Variants in GPRIN3 observed in about 807,000 individuals in gnomAD.
GPRIN3 encodes the protein GPRIN family member 3.
GPRIN3 carries 12 observed loss-of-function variants against 13.7 expected under a neutral mutation model. That is an observed-to-expected ratio of 0.87 (90% CI 0.56 to 1.42). The LOEUF is 1.42. Among genes scored for constraint, GPRIN3 ranks in the 40% most tolerant of loss-of-function variants. The pLI, the probability that GPRIN3 is intolerant of heterozygous loss-of-function variation, is 0.00. For synonymous variants in GPRIN3, 377 were observed against 372.7 expected (o/e 1.01, Z -0.13); for missense variants, 1,009 against 958.7 (o/e 1.05, Z -0.69).
intron 1 of GPRIN3, among the ~76,000 whole-genome samples, chr4:89,286,339 A>G (rs1237960729): frequency 1.3e-5 from 2 of 152,108 alleles, no homozygotes; most frequent in Non-Finnish European, 2.9e-5. Flanking sequence ...CATTACAACT[A>G]TGGTATAATG....
At position 89,248,306 on chromosome 4, in the gene GPRIN3, G is replaced by GCTGTCTTGGT. The variant is rs1301577453; in HGVS notation, c.1795_1804dup (p.Ala602AspfsTer12). On this transcript the variant is annotated frameshift_variant, in exon 2 of 2. Transcript: ENST00000609438. LOFTEE classifies it high-confidence loss of function. ...ATCAGATGGCAGGCTCAGGCTGGTG[G>GCTGTCTTGGT]CTGTCTTGGTCTGTCTGTTTTCTTC... 2 of 1,614,030 alleles carry GCTGTCTTGGT rather than the reference G, an allele frequency of 1.2e-6. No individual in the cohort carries two copies. Among genetic ancestry groups the GCTGTCTTGGT allele is most frequent in the Non-Finnish European group, 1.7e-6 (2 of 1,180,026 alleles).
At chr4:89,289,864 A>C (rs953524944) in intron 1 of GPRIN3, among the ~76,000 whole-genome samples, 7 of 152,124 alleles carry the variant, frequency 4.6e-5, no homozygotes. Context: ...TGAGCTCAAA[A>C]GTCTGTCAGT....
rs1455998843 is a variant in GPRIN3 at position 89,250,072 on chromosome 4, A to C, written c.39T>G (p.Thr13=). ...TVPDPLRSAK[T]SLIAASGKED... is the part of the protein sequence containing the mutation. ...CTTTTCCGGAAGCTGCAATCAGGGA[A>C]GTTTTAGCTGATCTCAGAGGGTCAG... Residue 13 remains threonine, a synonymous_variant, in exon 2 of 2, where the codon ACT becomes ACG. Coordinates refer to ENST00000609438, the MANE Select transcript of GPRIN3 (RefSeq NM_198281.3). The C allele has an allele frequency of 6.2e-7, 1 of 1,613,904 alleles. No individual in the cohort carries two copies. Among genetic ancestry groups the C allele is most frequent in the Non-Finnish European group, 8.5e-7 (1 of 1,179,800 alleles).
Position 89,249,035 on chromosome 4 carries a change from C to T in GPRIN3, c.1076G>A (p.Arg359His), listed in dbSNP as rs777554551. The T allele has an allele frequency of 1.4e-5, 23 of 1,614,024 alleles. No homozygotes were observed. Among genetic ancestry groups the T allele is most frequent in the East Asian group, 6.7e-5 (3 of 44,886 alleles). The change falls in exon 2 of 2, where the codon CGT becomes CAT. Residue 359 changes from arginine to histidine, a missense_variant. Physicochemically the swap from Arg to His is conservative, Grantham distance 29. Coordinates refer to ENST00000609438, the MANE Select transcript of GPRIN3 (RefSeq NM_198281.3). ...APEHFEQEQL[R>H]VICHSSGSHT... ...GCTCCCACTGCTGTGGCAAATGACA[C>T]GCAGCTGCTCTTGTTCAAAATGCTC...
At chr4:89,250,317 C>A in intron 1 of GPRIN3, 84 bp from the exon 2 acceptor site, 1 of 1,013,366 alleles carries the variant, frequency 9.9e-7, no homozygotes. Flanking sequence ...TTTATAAGAG[C>A]ACATTAAAAA....
chr4:89,271,542 T>A (rs928325097), intron 1 of GPRIN3, among the ~76,000 whole-genome samples: 10 of 152,068 alleles, frequency 6.6e-5, no homozygotes, highest in Middle Eastern at 3.4e-3. Flanking sequence ...AAATGCTATG[T>A]AAAGAGTTGT....
chr4:89,250,680 C>T (rs985263702), intron 1 of GPRIN3: 1 of 151,996 alleles, frequency 6.6e-6, no homozygotes, highest in African/African-American at 2.4e-5. Context: ...TAAATGGGGA[C>T]TTAATCTATG....
intron 1 of GPRIN3, among the ~76,000 whole-genome samples, chr4:89,272,648 T>G (rs1723989908): frequency 6.6e-6 from 1 of 152,158 alleles, no homozygotes; most frequent in Admixed American, 6.5e-5. Context: ...TATCACAAAC[T>G]TTCTCTGTGA....
chr4:89,274,121 C>T (rs780435912), intron 1 of GPRIN3, among the ~76,000 whole-genome samples: 3 of 152,128 alleles, frequency 2.0e-5, no homozygotes, highest in Non-Finnish European at 2.9e-5. Context: ...AGACTTTGCC[C>T]GATGAGTGGT....
In GPRIN3 at chr4:89,236,549, T is replaced by C. The variant is rs1722800151; in HGVS notation, c.*11231A>G. The stretch of plus-strand genomic sequence containing the variant: ...CCTATGCCATTTAATTCCCACAAAT[T>C]TGCAAAGTGAGCATTGTTATTCTCA... On this transcript the variant is annotated 3_prime_UTR_variant, in exon 2 of 2. Coordinates refer to ENST00000609438, the MANE Select transcript of GPRIN3 (RefSeq NM_198281.3). The C allele has an allele frequency of 6.6e-6, 1 of 152,102 alleles. No individual in the cohort carries two copies. The highest frequency in any genetic ancestry group is 1.5e-5 in the Non-Finnish European group (1 of 68,016). 9.4% of individuals were successfully genotyped at this position (152,102 alleles called of 1,614,324 possible).
chr4:89,289,011 G>A (rs920845350), intron 1 of GPRIN3, among the ~76,000 whole-genome samples: 12 of 151,762 alleles, frequency 7.9e-5, no homozygotes, highest in African/African-American at 2.7e-4. Flanking sequence ...TTCCTATGTC[G>A]ACTTTTCTTT....
chr4:89,273,033 T>A (rs1350175226), intron 1 of GPRIN3, among the ~76,000 whole-genome samples: 1 of 152,166 alleles, frequency 6.6e-6, no homozygotes, highest in Non-Finnish European at 1.5e-5. Flanking sequence ...TTGTAGATCA[T>A]TTATTTTTCT....
intron 1 of GPRIN3, among the ~76,000 whole-genome samples, chr4:89,286,299 T>G (rs972421372): frequency 3.9e-5 from 6 of 152,144 alleles, no homozygotes; most frequent in African/African-American, 1.2e-4. Flanking sequence ...CTTATTAAAG[T>G]TGTACAGATG....
intron 1 of GPRIN3, among the ~76,000 whole-genome samples, chr4:89,270,593 A>C (rs1369777360): frequency 1.5e-5 from 2 of 129,470 alleles, no homozygotes; most frequent in African/African-American, 6.6e-5. Flanking sequence ...ATATATATAT[A>C]TATATATAAA....
chr4:89,278,883 A>C (rs1291185873), intron 1 of GPRIN3, among the ~76,000 whole-genome samples: 2 of 152,192 alleles, frequency 1.3e-5, no homozygotes, highest in East Asian at 3.9e-4. Context: ...AAACCTATGG[A>C]AGCAGGTTCA....
At chr4:89,300,829 C>T (rs1187293841) in intron 1 of GPRIN3, among the ~76,000 whole-genome samples, 4 of 152,130 alleles carry the variant, frequency 2.6e-5, no homozygotes, top group Non-Finnish European at 4.4e-5. Context: ...GCAATTTTTA[C>T]CCAACCAAGG....
chr4:89,298,330 TC>T (rs1319350355), intron 1 of GPRIN3, among the ~76,000 whole-genome samples: 8 of 152,080 alleles, frequency 5.3e-5, no homozygotes, highest in Non-Finnish European at 7.4e-5. Context: ...CATACAGTTT[TC>T]AAGTTAGCCT....
At chr4:89,264,596 T>C (rs189912886) in intron 1 of GPRIN3, among the ~76,000 whole-genome samples, 21 of 152,152 alleles carry the variant, frequency 1.4e-4, no homozygotes, top group African/African-American at 4.6e-4. Context: ...TAGGAGCTCA[T>C]GGGGAAGAGT....
rs148384531 is a variant in GPRIN3, at chr4:89,255,625, C to T, written c.-123-5392G>A. 8.4e-3 allele frequency among the ~76,000 whole-genome samples: 1,284 copies of T among 152,074 alleles called. 19 individuals carry two copies. Among genetic ancestry groups the T allele is most frequent in the African/African-American group, 0.029 (1,198 of 41,454 alleles). ...AAAATTACTAAGAGGAGACATCAAG[C>T]GAAGGGGGATTTTTGCTAAACCACT... On this transcript the variant is annotated intron_variant, in intron 1 of 1. Transcript: ENST00000609438.
Sources: allele counts gnomAD v4.1 joint callset (sites outside exome capture counted in the v4.1 genomes callset), GRCh38; gene constraint gnomAD v4.1.1; transcripts MANE v1.5; gene names NCBI Gene and HGNC (gene_info 2026-07-23, HGNC 2026-07-21).